The following SLC37A2 variants were observed in gnomAD, a reference collection of about 807,000 sequenced individuals.
SLC37A2 encodes glucose-6-phosphate exchanger SLC37A2.
Under a neutral mutation model 70.7 loss-of-function variants are expected in SLC37A2, and 59 were observed. The ratio of observed to expected loss-of-function variants is 0.83; its 90% confidence interval spans 0.68 to 1.04. SLC37A2 has a LOEUF of 1.04. SLC37A2 is among the 50% of genes least tolerant of loss of function. The probability of loss-of-function intolerance (pLI) is 0.00; values close to 1 mark genes in which losing one functional copy is unlikely to be tolerated. For synonymous variants in SLC37A2, 257 were observed against 262.1 expected (o/e 0.98, Z 0.19); for missense variants, 580 against 658.1 (o/e 0.88, Z 1.30).
intron 1 of SLC37A2, among the ~76,000 whole-genome samples, chr11:125,070,319 G>A (rs112064782): frequency 3.9e-5 from 6 of 152,330 alleles, no homozygotes; most frequent in African/African-American, 1.4e-4. Context: ...TGAGGAGGAC[G>A]CAGGGGAAAG....
chr11:125,081,478 G>A lies in SLC37A2; in HGVS notation c.732+20G>A. The A allele has an allele frequency of 1.9e-6, 3 of 1,604,446 alleles. No homozygotes were observed. Among genetic ancestry groups the A allele is most frequent in the Non-Finnish European group, 2.6e-6 (3 of 1,174,438 alleles). ...CACCACGTGAGTGTGAGCCCTCCCA[G>A]CCCTATCCCTGCCCTCCAACTCCAT... On this transcript the variant is annotated intron_variant, in intron 8 of 17. Coordinates refer to ENST00000403796, the MANE Select transcript of SLC37A2 (RefSeq NM_001145290.2).
In SLC37A2 at chr11:125,080,584, T is replaced by A; in HGVS notation, c.528-30T>A. The A allele has an allele frequency of 6.9e-7, 1 of 1,442,464 alleles. No individual in the cohort carries two copies. 89.4% of individuals were successfully genotyped at this position (1,442,464 alleles called of 1,614,324 possible). ...AATGTGCTTTGCTTTTTACTTTTTA[T>A]ACCTCTTCCCTTCTCTCCCTCCCTT... On this transcript the variant is annotated intron_variant, in intron 6 of 17. Coordinates refer to ENST00000403796, the MANE Select transcript of SLC37A2 (RefSeq NM_001145290.2). The surrounding 1 kb of genome is among the most constrained non-coding windows in gnomAD (Gnocchi z 4.3).
At position 125,080,501 on chromosome 11, in the gene SLC37A2, C is replaced by T; in HGVS notation, c.528-113C>T. 1.9e-6 allele frequency: 2 copies of T among 1,062,010 alleles called. No individual in the cohort carries two copies. Among genetic ancestry groups the T allele is most frequent in the Non-Finnish European group, 2.5e-6 (2 of 793,670 alleles). The allele number at this position is 1,062,010 out of a possible 1,614,324, so 65.8% of individuals were successfully genotyped here. On this transcript the variant is annotated intron_variant, in intron 6 of 17. Coordinates refer to ENST00000403796, the MANE Select transcript of SLC37A2 (RefSeq NM_001145290.2). This position sits in a 1 kb window ranked among gnomAD's most constrained non-coding sequence, Gnocchi z 4.3. ...GGGGCTTTGGGGCTGTCTTTGGTGC[C>T]TCGGGGAAGCTGTAGTCAGCCCAGC...
chr11:125,083,665 G>A lies in SLC37A2; in HGVS notation c.977-150G>A. 1.5e-6 allele frequency: 1 copy of A among 678,150 alleles called. No individual in the cohort carries two copies. The allele number at this position is 678,150 out of a possible 1,614,324, so 42.0% of individuals were successfully genotyped here. On this transcript the variant is annotated intron_variant, in intron 10 of 17. Transcript: ENST00000403796. The surrounding 1 kb of genome is among the most constrained non-coding windows in gnomAD (Gnocchi z 4.6). ...CCAAACTGCTGCATTCTCACCCTGT[G>A]GCCCTGGCCAGCCTGCTCCACAGGT... is the stretch of plus-strand genomic sequence containing the variant.
chr11:125,068,773 A>G (rs900552006), intron 1 of SLC37A2, among the ~76,000 whole-genome samples: 2 of 152,248 alleles, frequency 1.3e-5, no homozygotes, highest in South Asian at 2.1e-4. Flanking sequence ...TTACAGATAC[A>G]TATTAACCCA....
rs1019166769 is a variant in SLC37A2, at chr11:125,089,950, G to C, written c.*1816G>C. 12 of 154,444 alleles carry C rather than the reference G, an allele frequency of 7.8e-5. No individual in the cohort carries two copies. Among genetic ancestry groups the C allele is most frequent in the African/African-American group, 2.9e-4 (12 of 41,520 alleles). 9.6% of individuals were successfully genotyped at this position (154,444 alleles called of 1,614,324 possible). ...GTGCGGGATCCACTAGGTGAAGCCA[G>C]CTGGGCTCCTGAGTCTGATGGGGAC... On this transcript the variant is annotated 3_prime_UTR_variant, in exon 18 of 18. Transcript: ENST00000403796.
intron 16 of SLC37A2, 66 bp downstream of exon 16, chr11:125,085,740 G>C: frequency 6.4e-7 from 1 of 1,553,126 alleles, no homozygotes; most frequent in Non-Finnish European, 8.8e-7. Flanking sequence ...TGGAACCCTG[G>C]AGGTCCAAAG....
chr11:125,086,057 C>G, intron 17 of SLC37A2, 39 bp downstream of exon 17: 1 of 1,600,058 alleles, frequency 6.2e-7, no homozygotes. Flanking sequence ...CTACCAACCT[C>G]ATTTCTCGTG....
chr11:125,088,998 G>A lies in SLC37A2; in HGVS notation c.*864G>A, dbSNP rs376313684. 1 of 152,374 alleles carries A rather than the reference G, an allele frequency of 6.6e-6. No individual in the cohort carries two copies. Among genetic ancestry groups the A allele is most frequent in the South Asian group, 2.1e-4 (1 of 4,822 alleles). 9.4% of individuals were successfully genotyped at this position (152,374 alleles called of 1,614,324 possible). A position where few individuals can be genotyped will look rare whatever the true frequency, so the allele number is the denominator to read the frequency against. Reference sequence around the variant, plus strand: ...GACAGTGGACACAAGAAGGACTTACGCCCTGAGCACAGGTGCCAATGGTGA... The same window carrying A: ...GACAGTGGACACAAGAAGGACTTACACCCTGAGCACAGGTGCCAATGGTGA... On this transcript the variant is annotated 3_prime_UTR_variant, in exon 18 of 18. Transcript: ENST00000403796.
chr11:125,064,642 T>A (rs1948965110), intron 1 of SLC37A2, among the ~76,000 whole-genome samples: 1 of 152,234 alleles, frequency 6.6e-6, no homozygotes, highest in Non-Finnish European at 1.5e-5. Flanking sequence ...TTTTTTGAGT[T>A]GGAGACTGTT....
intron 13 of SLC37A2, 95 bp downstream of exon 13, chr11:125,084,968 G>A: frequency 6.3e-7 from 1 of 1,592,564 alleles, no homozygotes. Flanking sequence ...GACAGGTGGA[G>A]GGGCTGGGAG....
intron 1 of SLC37A2, among the ~76,000 whole-genome samples, chr11:125,072,726 C>T (rs925224107): frequency 6.6e-6 from 1 of 152,224 alleles, no homozygotes; most frequent in African/African-American, 2.4e-5. Flanking sequence ...TCTTGGCCTC[C>T]GTCTAGCCTA....
chr11:125,085,246 C>T (rs1949195261), intron 14 of SLC37A2, 107 bp downstream of exon 14: 8 of 1,328,092 alleles, frequency 6.0e-6, no homozygotes, highest in African/African-American at 2.9e-5. Flanking sequence ...GAGGAGAAAC[C>T]GTCAAAGTCC....
intron 1 of SLC37A2, 116 bp from the exon 2 acceptor site, chr11:125,076,641 A>T: frequency 1.1e-6 from 1 of 904,888 alleles, no homozygotes; most frequent in Non-Finnish European, 1.8e-6. Flanking sequence ...AGAAGGAAAG[A>T]GTTGGTGGTC....
chr11:125,090,295 T>G lies in SLC37A2; in HGVS notation c.*2161T>G, dbSNP rs1466326431. ...GTCGAAACTCTGTATCTAACTAATC[T>G]GATGGGGACGTGGAGAACCTTTGTA... On this transcript the variant is annotated 3_prime_UTR_variant, in exon 18 of 18. Transcript: ENST00000403796. The G allele has an allele frequency of 6.6e-6, 1 of 152,170 alleles. No individual in the cohort carries two copies. The highest frequency in any genetic ancestry group is 1.5e-5 in the Non-Finnish European group (1 of 68,042). 9.4% of individuals were successfully genotyped at this position (152,170 alleles called of 1,614,324 possible).
At position 125,088,258 on chromosome 11, in the gene SLC37A2, C is replaced by T. The variant is rs562995388; in HGVS notation, c.*124C>T. On this transcript the variant is annotated 3_prime_UTR_variant, in exon 18 of 18. Transcript: ENST00000403796. ...ACCCTCTTTATTGAACATTAGCCAG[C>T]CCAGCCCAGACCCCAGGGCTGCCTA... 2.9e-4 allele frequency: 334 copies of T among 1,158,176 alleles called. 14 individuals are homozygous for T. In the South Asian group the frequency reaches 3.7e-3, roughly 13 times the overall value. The allele number at this position is 1,158,176 out of a possible 1,614,324, so 71.7% of individuals were successfully genotyped here. A position where few individuals can be genotyped will look rare whatever the true frequency, so the allele number is the denominator to read the frequency against.
chr11:125,074,199 C>T (rs764171861), intron 1 of SLC37A2, among the ~76,000 whole-genome samples: 9 of 151,968 alleles, frequency 5.9e-5, no homozygotes, highest in Non-Finnish European at 1.3e-4. Context: ...GACTTGGCCT[C>T]GTCCTGCTTG....
rs1002851641 is a variant in SLC37A2 at position 125,088,275 on chromosome 11, G to C, written c.*141G>C. The C allele has an allele frequency of 1.1e-6, 1 of 904,050 alleles. No homozygotes were observed. The highest frequency in any genetic ancestry group is 1.6e-5 in the South Asian group (1 of 62,482). The allele number at this position is 904,050 out of a possible 1,614,324, so 56.0% of individuals were successfully genotyped here. ...TTAGCCAGCCCAGCCCAGACCCCAG[G>C]GCTGCCTAAGGACACAGAGATTCTC... On this transcript the variant is annotated 3_prime_UTR_variant, in exon 18 of 18. Transcript: ENST00000403796.
chr11:125,082,381 G>A lies in SLC37A2; in HGVS notation c.976+47G>A, dbSNP rs375681092. On this transcript the variant is annotated intron_variant, in intron 10 of 17. Coordinates refer to ENST00000403796, the MANE Select transcript of SLC37A2 (RefSeq NM_001145290.2). The stretch of plus-strand genomic sequence containing the variant: ...TGAAGGGGTCTCTGAGGAGGCCAAG[G>A]CTGCCTCTGGTGGGAGAGGAAGCCC... The A allele has an allele frequency of 7.7e-6, 12 of 1,562,028 alleles. No homozygotes were observed. In the African/African-American group the frequency reaches 1.1e-4, roughly 14 times the overall value.
Sources: allele counts gnomAD v4.1 joint callset (sites outside exome capture counted in the v4.1 genomes callset), GRCh38; gene constraint gnomAD v4.1.1; non-coding constraint Gnocchi (gnomAD v3.1); transcripts MANE v1.5; gene names NCBI Gene and HGNC (gene_info 2026-07-23, HGNC 2026-07-21).